RBFOX2: variants seen among roughly 807,000 people sequenced by gnomAD.
RBFOX2 encodes RNA binding protein fox-1 homolog 2.
In RBFOX2, 10 loss-of-function variants were observed where a neutral mutation model predicts 49.1. The observed-to-expected ratio is 0.20, with a 90% CI of 0.13 to 0.35. The LOEUF (loss-of-function observed/expected upper bound fraction) is 0.35, where lower values mean the gene tolerates loss of function less well. Among genes scored for constraint, RBFOX2 ranks in the 10% least tolerant of loss-of-function variants. The pLI is 1.00. For missense variants in RBFOX2, 323 were observed against 486.9 expected (o/e 0.66, Z 3.17); for synonymous variants, 183 against 187.4 (o/e 0.98, Z 0.19).
At chr22:35,789,863 C>T (rs867425977) in intron 2 of RBFOX2, among the ~76,000 whole-genome samples, 9 of 152,052 alleles carry the variant, frequency 5.9e-5, no homozygotes, top group Admixed American at 1.3e-4. Flanking sequence ...GTTGTCTATT[C>T]AGGACTTAAG....
intron 1 of RBFOX2, among the ~76,000 whole-genome samples, chr22:35,871,552 A>G (rs1217488337): frequency 6.6e-6 from 1 of 152,222 alleles, no homozygotes; most frequent in Admixed American, 6.5e-5. Context: ...TCAGGTCTTA[A>G]GAATATATCA....
chr22:36,005,880 A>G (rs906308528), intron 1 of RBFOX2, among the ~76,000 whole-genome samples: 1 of 152,230 alleles, frequency 6.6e-6, no homozygotes. Context: ...ATTTCTAGTC[A>G]GCCATTTTTG....
chr22:35,745,163 A>G (rs552117487), intron 11 of RBFOX2, among the ~76,000 whole-genome samples: 45 of 152,248 alleles, frequency 3.0e-4, no homozygotes, highest in African/African-American at 1.0e-3. Flanking sequence ...CTCCTTTTCA[A>G]ACAACTCTAC....
chr22:35,801,756 C>T (rs1004859744), intron 2 of RBFOX2, among the ~76,000 whole-genome samples: 1 of 152,112 alleles, frequency 6.6e-6, no homozygotes, highest in African/African-American at 2.4e-5. Context: ...ACCTGGGAGG[C>T]TGAGGTTGCA....
intron 4 of RBFOX2, among the ~76,000 whole-genome samples, chr22:35,775,888 G>A (rs60723927): frequency 1.4e-5 from 2 of 143,938 alleles, no homozygotes; most frequent in African/African-American, 2.7e-5. Flanking sequence ...AAAAAGAATT[G>A]GTAGCAGGCA....
At chr22:35,849,284 CACATACACACACAA>C (rs2041600443) in intron 1 of RBFOX2, among the ~76,000 whole-genome samples, 2 of 133,664 alleles carry the variant, frequency 1.5e-5, no homozygotes, top group East Asian at 4.1e-4. Context: ...CACACACACA[CACATACACACACAA>C]ACACACACAC....
intron 2 of RBFOX2, among the ~76,000 whole-genome samples, chr22:35,804,227 G>A (rs1480049612): frequency 3.3e-5 from 5 of 151,856 alleles, no homozygotes; most frequent in African/African-American, 4.8e-5. Flanking sequence ...GTACTGAGCC[G>A]AGATTGCACC....
At chr22:35,781,470 A>G in intron 3 of RBFOX2, 130 bp downstream of exon 4, 1 of 1,232,112 alleles carries the variant, frequency 8.1e-7, no homozygotes, top group Non-Finnish European at 1.1e-6. Context: ...ACTGATGAAA[A>G]GACTGATTTA....
At chr22:36,027,180 T>G (rs2059471738) in intron 1 of RBFOX2, among the ~76,000 whole-genome samples, 1 of 152,080 alleles carries the variant, frequency 6.6e-6, no homozygotes, top group African/African-American at 2.4e-5. Flanking sequence ...CACCAAAAAG[T>G]GCACATCACC....
chr22:35,874,920 T>C (rs1050939411), intron 1 of RBFOX2, among the ~76,000 whole-genome samples: 1 of 152,158 alleles, frequency 6.6e-6, no homozygotes, highest in African/African-American at 2.4e-5. Flanking sequence ...AAATAATTAA[T>C]GTTAAGTAAG....
chr22:35,767,432 GC>G (rs1034889955), intron 5 of RBFOX2, among the ~76,000 whole-genome samples: 6 of 152,040 alleles, frequency 3.9e-5, no homozygotes, highest in African/African-American at 1.4e-4. Flanking sequence ...CAAGTGAAGG[GC>G]CCTAAATGCT....
chr22:35,788,974 T>C (rs1209803646), intron 2 of RBFOX2, among the ~76,000 whole-genome samples: 1 of 152,184 alleles, frequency 6.6e-6, no homozygotes, highest in African/African-American at 2.4e-5. Flanking sequence ...GTATTTCCCA[T>C]CTCTGCCTTT....
At chr22:35,994,861 C>T (rs1473630993) in intron 1 of RBFOX2, 1 of 152,176 alleles carries the variant, frequency 6.6e-6, no homozygotes, top group African/African-American at 2.4e-5. Flanking sequence ...CCACATGTGG[C>T]TACCGTATTA....
chr22:35,916,287 T>A lies in RBFOX2; in HGVS notation c.-34+22560A>T, dbSNP rs116156386. Among the ~76,000 whole-genome samples, 1,329 of 152,248 alleles carry A rather than the reference T, an allele frequency of 8.7e-3. 17 individuals carry two copies. The highest frequency in any genetic ancestry group is 0.03 in the African/African-American group (1,250 of 41,544). ...TAGAGAGAATGGGTGTTTGCATGTT[T>A]GTTTGTTTGTTTGTGACAGGGTCTC... On this transcript the variant is annotated intron_variant, in intron 1 of 13. Transcript: ENST00000359369.
At chr22:36,027,537 G>C (rs528349723) in intron 1 of RBFOX2, among the ~76,000 whole-genome samples, 4 of 152,086 alleles carry the variant, frequency 2.6e-5, no homozygotes, top group African/African-American at 9.7e-5. Flanking sequence ...TATAGCCCGG[G>C]ACATTAAAGA....
At chr22:35,768,875 C>T (rs2146652063) in intron 4 of RBFOX2, among the ~76,000 whole-genome samples, 1 of 152,126 alleles carries the variant, frequency 6.6e-6, no homozygotes, top group South Asian at 2.1e-4. Flanking sequence ...CATTTTAGCC[C>T]CACGTTGCCT....
At chr22:35,906,398 T>C (rs77279834) in intron 1 of RBFOX2, among the ~76,000 whole-genome samples, 1 of 152,222 alleles carries the variant, frequency 6.6e-6, no homozygotes, top group Admixed American at 6.5e-5. Context: ...GTGAGTTCTC[T>C]ATCCCTAAGA....
chr22:36,028,160 C>G, intron 1 of RBFOX2, 80 bp downstream of exon 1: 1 of 1,351,078 alleles, frequency 7.4e-7, no homozygotes, highest in Non-Finnish European at 9.5e-7. Context: ...GAGGCCCTCC[C>G]TCTCTCCAAG....
intron 1 of RBFOX2, among the ~76,000 whole-genome samples, chr22:35,989,706 C>T (rs1432156201): frequency 6.6e-6 from 1 of 152,008 alleles, no homozygotes; most frequent in Non-Finnish European, 1.5e-5. Context: ...GTAGAACTCA[C>T]TACAGAAAGG....
Sources: gnomAD v4.1 joint callset for allele counts (sites outside exome capture counted in the v4.1 genomes callset) on GRCh38, gnomAD v4.1.1 for gene constraint, MANE v1.5 for transcripts, NCBI Gene and HGNC (gene_info 2026-07-23, HGNC 2026-07-21) for gene names.